The following PCCA variants were observed in gnomAD, a reference collection of about 807,000 sequenced individuals.
PCCA encodes propionyl-CoA carboxylase alpha chain, mitochondrial.
In PCCA, 74 loss-of-function variants were observed where a neutral mutation model predicts 101.3. That is an observed-to-expected ratio of 0.73 (90% CI 0.61 to 0.89). PCCA has a LOEUF of 0.89. Ranked by LOEUF, PCCA falls within the 40% of genes least tolerant of loss-of-function variation. The pLI, the probability that PCCA is intolerant of heterozygous loss-of-function variation, is 0.00. For synonymous variants in PCCA, 294 were observed against 313.6 expected, an observed-to-expected ratio of 0.94 and a Z score of 0.66; for missense variants, 891 against 907.0, an observed-to-expected ratio of 0.98 and a Z score of 0.23.
intron 4 of PCCA, among the ~76,000 whole-genome samples, chr13:100,138,030 C>A (rs1174266062): frequency 6.6e-6 from 1 of 152,024 alleles, no homozygotes; most frequent in Non-Finnish European, 1.5e-5. Flanking sequence ...CTCAAGCATT[C>A]CTCTCATTTC....
At chr13:100,226,821 G>A (rs1309362381) in intron 7 of PCCA, among the ~76,000 whole-genome samples, 1 of 152,110 alleles carries the variant, frequency 6.6e-6, no homozygotes, top group East Asian at 1.9e-4. Flanking sequence ...CCTACTGTGG[G>A]CCAGGTGCTG....
chr13:100,505,186 C>G (rs192346073), intron 21 of PCCA, among the ~76,000 whole-genome samples: 3 of 152,150 alleles, frequency 2.0e-5, no homozygotes, highest in Non-Finnish European at 2.9e-5. Context: ...TCCTTGAATA[C>G]GTTTATATTG....
intron 20 of PCCA, among the ~76,000 whole-genome samples, chr13:100,426,034 G>A (rs1322708733): frequency 1.3e-5 from 2 of 151,468 alleles, no homozygotes; most frequent in African/African-American, 4.9e-5. Flanking sequence ...TCCTCTGTGG[G>A]TTTTTAGTTG....
intron 12 of PCCA, among the ~76,000 whole-genome samples, chr13:100,291,737 A>C (rs1026095549): frequency 1.3e-5 from 2 of 152,158 alleles, no homozygotes; most frequent in East Asian, 1.9e-4. Context: ...TAGCATTCTC[A>C]TCTCAAGGAC....
chr13:100,236,043 A>G (rs1594861190), intron 8 of PCCA, among the ~76,000 whole-genome samples, 165 bp downstream of exon 8: 1 of 152,236 alleles, frequency 6.6e-6, no homozygotes, highest in Admixed American at 6.5e-5. Context: ...GCCAAATTCT[A>G]TTATTAAAGG....
chr13:100,341,957 G>GTATGTATATATATATATATATA (rs1555426163), intron 18 of PCCA, among the ~76,000 whole-genome samples: 1 of 107,172 alleles, frequency 9.3e-6, no homozygotes, highest in African/African-American at 4.3e-5. Context: ...ACCCTTCAAA[G>GTATGTATATATATATATATATA]TATATATATA....
At chr13:100,302,728 T>C (rs1336883317) in intron 13 of PCCA, among the ~76,000 whole-genome samples, 196 bp from the exon 14 acceptor site, 4 of 152,208 alleles carry the variant, frequency 2.6e-5, no homozygotes, top group African/African-American at 9.6e-5. Context: ...TAAATTCTGC[T>C]TACAGTTCTG....
intron 12 of PCCA, among the ~76,000 whole-genome samples, chr13:100,283,069 G>C (rs993493847): frequency 6.6e-6 from 1 of 151,878 alleles, no homozygotes; most frequent in Non-Finnish European, 1.5e-5. Flanking sequence ...AGGCAGACCT[G>C]GGGAAGTTTT....
intron 8 of PCCA, among the ~76,000 whole-genome samples, chr13:100,248,755 T>C (rs933143795): frequency 2.9e-4 from 44 of 151,322 alleles, no homozygotes; most frequent in African/African-American, 9.7e-4. Flanking sequence ...GTCTTTATTC[T>C]TTTTTTTTGA....
At chr13:100,388,653 A>G (rs1261769258) in intron 19 of PCCA, among the ~76,000 whole-genome samples, 2 of 152,096 alleles carry the variant, frequency 1.3e-5, no homozygotes, top group African/African-American at 2.4e-5. Flanking sequence ...AAAATTAGCC[A>G]GGTGTGGTGG....
At chr13:100,337,603 C>A (rs1379042557) in intron 17 of PCCA, among the ~76,000 whole-genome samples, 1 of 152,180 alleles carries the variant, frequency 6.6e-6, no homozygotes, top group Non-Finnish European at 1.5e-5. Flanking sequence ...CAGTAAAATG[C>A]TTGAAGTTGA....
At chr13:100,193,812 G>A (rs1403281865) in intron 6 of PCCA, among the ~76,000 whole-genome samples, 2 of 152,146 alleles carry the variant, frequency 1.3e-5, no homozygotes, top group African/African-American at 2.4e-5. Flanking sequence ...GGGTGCGGTG[G>A]CTCATGCCTG....
chr13:100,367,815 G>A (rs540830063), intron 18 of PCCA, among the ~76,000 whole-genome samples: 25 of 151,510 alleles, frequency 1.7e-4, no homozygotes, highest in African/African-American at 5.8e-4. Context: ...AAAATTAGCC[G>A]CGTGTGGTGG....
chr13:100,254,496 T>C (rs1314669429), intron 8 of PCCA, among the ~76,000 whole-genome samples: 6 of 152,332 alleles, frequency 3.9e-5, no homozygotes, highest in Admixed American at 6.5e-5. Context: ...TTTCTGATTT[T>C]TCCAGGAATG....
At chr13:100,173,449 A>T (rs1258948851) in intron 6 of PCCA, among the ~76,000 whole-genome samples, 2 of 152,214 alleles carry the variant, frequency 1.3e-5, no homozygotes, top group Admixed American at 6.5e-5. Flanking sequence ...CAAGTAAATA[A>T]TAAGAGATAG....
intron 19 of PCCA, among the ~76,000 whole-genome samples, chr13:100,400,306 C>G (rs924944014): frequency 6.6e-6 from 1 of 152,154 alleles, no homozygotes; most frequent in South Asian, 2.1e-4. Flanking sequence ...TCAATACCTG[C>G]CAGTTCCTTT....
intron 19 of PCCA, among the ~76,000 whole-genome samples, chr13:100,379,190 C>A (rs551406713): frequency 6.6e-6 from 1 of 152,060 alleles, no homozygotes; most frequent in East Asian, 1.9e-4. Flanking sequence ...TGTATGATTT[C>A]TTTGGCTGTA....
intron 22 of PCCA, among the ~76,000 whole-genome samples, chr13:100,518,372 G>A (rs931099767): frequency 4.6e-5 from 7 of 152,208 alleles, no homozygotes; most frequent in African/African-American, 1.2e-4. Context: ...TGGGGTGGCC[G>A]TTGAGAAGTA....
chr13:100,422,118 C>CTTTCTTTCTTTTTTTTTTTTT (rs1567109563), intron 19 of PCCA, among the ~76,000 whole-genome samples: 1 of 51,166 alleles, frequency 2.0e-5, no homozygotes, highest in Non-Finnish European at 4.1e-5. Flanking sequence ...TTCTTTCTTT[C>CTTTCTTTCTTTTTTTTTTTTT]TTTTCTTTCT....
Sources: gnomAD v4.1 joint callset for allele counts (sites outside exome capture counted in the v4.1 genomes callset) on GRCh38, gnomAD v4.1.1 for gene constraint, MANE v1.5 for transcripts, NCBI Gene and HGNC (gene_info 2026-07-23, HGNC 2026-07-21) for gene names.